Variants in DLG2 observed in about 807,000 individuals in gnomAD.
The protein encoded by DLG2 is discs large MAGUK scaffold protein 2.
In DLG2, 45 loss-of-function variants were observed where a neutral mutation model predicts 132.5. The observed-to-expected ratio is 0.34, with a 90% CI of 0.27 to 0.44. The LOEUF (loss-of-function observed/expected upper bound fraction) is 0.44, where lower values mean the gene tolerates loss of function less well. Among genes scored for constraint, DLG2 ranks in the 20% least tolerant of loss-of-function variants. The probability of loss-of-function intolerance (pLI) is 1.00; values close to 1 mark genes in which losing one functional copy is unlikely to be tolerated. For synonymous variants in DLG2, 424 were observed against 419.6 expected (o/e 1.01, Z -0.13); for missense variants, 1,045 against 1,196.9 (o/e 0.87, Z 1.87).
At chr11:84,687,291 C>T (rs990179838) in intron 6 of DLG2, 10 of 152,132 alleles carry the variant, frequency 6.6e-5, no homozygotes, top group East Asian at 1.9e-4. Context: ...TAAAACATAA[C>T]GACATAACTG....
chr11:85,455,643 T>C (rs1327212639), intron 3 of DLG2, among the ~76,000 whole-genome samples: 1 of 152,190 alleles, frequency 6.6e-6, no homozygotes, highest in African/African-American at 2.4e-5. Context: ...CTATTCAGTA[T>C]GATGTAGGCT....
chr11:85,315,930 A>G (rs1015700222), intron 3 of DLG2, among the ~76,000 whole-genome samples: 1 of 151,938 alleles, frequency 6.6e-6, no homozygotes, highest in South Asian at 2.1e-4. Context: ...ATGTCCCCCA[A>G]TCACAGGGTG....
At chr11:85,028,434 C>T (rs2060728326) in intron 6 of DLG2, among the ~76,000 whole-genome samples, 1 of 152,164 alleles carries the variant, frequency 6.6e-6, no homozygotes, top group Non-Finnish European at 1.5e-5. Flanking sequence ...GAACCTACCC[C>T]TTTCTGCCCA....
At chr11:85,547,773 A>G (rs983243033) in intron 3 of DLG2, among the ~76,000 whole-genome samples, 4 of 151,824 alleles carry the variant, frequency 2.6e-5, no homozygotes, top group Admixed American at 2.0e-4. Context: ...CGCTTGATCA[A>G]TTTGGCTATT....
intron 6 of DLG2, among the ~76,000 whole-genome samples, chr11:85,057,024 G>C (rs2063531449): frequency 6.6e-6 from 1 of 151,838 alleles, no homozygotes; most frequent in African/African-American, 2.4e-5. Flanking sequence ...GCCAAAAATA[G>C]GGTCAATATA....
chr11:85,219,972 T>C (rs2074525745), intron 4 of DLG2, among the ~76,000 whole-genome samples: 2 of 151,880 alleles, frequency 1.3e-5, no homozygotes, highest in South Asian at 2.1e-4. Flanking sequence ...CCACAAGAAA[T>C]TACAACTGCT....
At chr11:84,584,765 T>C (rs917880451) in intron 6 of DLG2, among the ~76,000 whole-genome samples, 2 of 136,988 alleles carry the variant, frequency 1.5e-5, no homozygotes, top group Admixed American at 8.1e-5. Flanking sequence ...CTGGGCTCAC[T>C]GCAAGCTCTG....
At chr11:85,077,980 G>A (rs1419054109) in intron 6 of DLG2, among the ~76,000 whole-genome samples, 2 of 151,744 alleles carry the variant, frequency 1.3e-5, no homozygotes, top group African/African-American at 4.8e-5. Flanking sequence ...ATAGTCCTGG[G>A]CTAATATATG....
intron 19 of DLG2, among the ~76,000 whole-genome samples, chr11:83,559,191 A>G (rs1042765740): frequency 7.9e-5 from 12 of 152,136 alleles, no homozygotes; most frequent in African/African-American, 2.7e-4. Context: ...CGACTTACAA[A>G]AGAATGCACT....
chr11:84,217,802 T>C (rs1464021428), intron 8 of DLG2, among the ~76,000 whole-genome samples: 1 of 152,194 alleles, frequency 6.6e-6, no homozygotes, highest in Non-Finnish European at 1.5e-5. Context: ...CTAGGAAACA[T>C]GTTTTCAGTC....
At position 85,323,930 on chromosome 11, in the gene DLG2, G is replaced by C. The variant is rs141660797; in HGVS notation, c.41-38565C>G. ...ATGGACACTTTGCCAATTCACCACA[G>C]GTGGCTCAGCCCTCCTGTCACTTCC... On this transcript the variant is annotated intron_variant, in intron 3 of 27. Coordinates refer to ENST00000376104, the MANE Select transcript of DLG2 (RefSeq NM_001142699.3). 4.7e-3 allele frequency among the ~76,000 whole-genome samples: 712 copies of C among 152,252 alleles called. 2 individuals are homozygous for C. The highest frequency in any genetic ancestry group is 0.016 in the African/African-American group (648 of 41,548).
chr11:85,450,950 A>G (rs2092219279), intron 3 of DLG2, among the ~76,000 whole-genome samples: 1 of 151,886 alleles, frequency 6.6e-6, no homozygotes, highest in African/African-American at 2.4e-5. Context: ...CATCTCCTCA[A>G]TCTACATTCT....
At chr11:84,498,591 G>A (rs969141030) in intron 7 of DLG2, among the ~76,000 whole-genome samples, 17 of 152,204 alleles carry the variant, frequency 1.1e-4, no homozygotes, top group African/African-American at 3.6e-4. Context: ...AAAACACTGG[G>A]TGTAAATAGA....
intron 18 of DLG2, among the ~76,000 whole-genome samples, chr11:83,637,406 G>C (rs182324095): frequency 6.2e-4 from 95 of 152,230 alleles, no homozygotes; most frequent in African/African-American, 2.2e-3. Flanking sequence ...CCTGCAATGA[G>C]CTAGGATCTG....
intron 3 of DLG2, among the ~76,000 whole-genome samples, chr11:85,294,101 G>C (rs1357761952): frequency 6.6e-6 from 1 of 151,802 alleles, no homozygotes; most frequent in Non-Finnish European, 1.5e-5. Context: ...AAACTGATAT[G>C]CATATATATG....
chr11:84,704,158 C>T (rs527868160), intron 6 of DLG2, among the ~76,000 whole-genome samples: 164 of 151,188 alleles, frequency 1.1e-3, no homozygotes, highest in African/African-American at 3.8e-3. Context: ...GTATCTTTCC[C>T]ACATCCCTAC....
chr11:84,755,156 C>G (rs2066689357), intron 6 of DLG2, among the ~76,000 whole-genome samples: 1 of 152,020 alleles, frequency 6.6e-6, no homozygotes, highest in Non-Finnish European at 1.5e-5. Context: ...ACCGGAAGAA[C>G]CCTAGATGTT....
rs961072966 is a variant in DLG2, at chr11:84,595,821, T to G, written c.358-61090A>C. On this transcript the variant is annotated intron_variant, in intron 6 of 27. Coordinates refer to ENST00000376104, the MANE Select transcript of DLG2 (RefSeq NM_001142699.3). ...CTTTCTTGGTTTTAAAGTCACAGAT[T>G]GAAAACTGGTTTTAAAGCAGGAGGT... 5.3e-5 allele frequency among the ~76,000 whole-genome samples: 8 copies of G among 152,338 alleles called. No individual in the cohort carries two copies. In the Middle Eastern group the frequency reaches 0.014, roughly 259 times the overall value.
At chr11:84,853,821 A>G (rs1288408692) in intron 6 of DLG2, among the ~76,000 whole-genome samples, 1 of 152,044 alleles carries the variant, frequency 6.6e-6, no homozygotes, top group Non-Finnish European at 1.5e-5. Flanking sequence ...AAGCCCTCTG[A>G]AATTTGGTTA....
Sources: gnomAD v4.1 joint callset for allele counts (sites outside exome capture counted in the v4.1 genomes callset) on GRCh38, gnomAD v4.1.1 for gene constraint, MANE v1.5 for transcripts, NCBI Gene and HGNC (gene_info 2026-07-23, HGNC 2026-07-21) for gene names.